GPATCH2L: variants seen among roughly 807,000 people sequenced by gnomAD.
GPATCH2L encodes the protein G patch domain-containing protein 2-like.
A neutral mutation model predicts 57.4 loss-of-function variants in GPATCH2L; 31 were observed. The observed-to-expected ratio is 0.54, with a 90% CI of 0.41 to 0.73. The LOEUF (loss-of-function observed/expected upper bound fraction) is 0.73, where lower values mean the gene tolerates loss of function less well. Ranked by LOEUF, GPATCH2L falls within the 30% of genes least tolerant of loss-of-function variation. GPATCH2L has a pLI of 0.00. For synonymous variants in GPATCH2L, 199 were observed against 210.7 expected (o/e 0.94, Z 0.48); for missense variants, 481 against 599.9 (o/e 0.80, Z 2.07).
intron 2 of GPATCH2L, among the ~76,000 whole-genome samples, chr14:76,159,304 C>T (rs1028071499): frequency 6.6e-6 from 1 of 152,248 alleles, no homozygotes; most frequent in Non-Finnish European, 1.5e-5. Context: ...CACTGGCAGT[C>T]ATCTTCAAAG....
chr14:76,222,481 C>T (rs761274130), intron 1 of GPATCH2L, among the ~76,000 whole-genome samples: 8 of 151,930 alleles, frequency 5.3e-5, no homozygotes, highest in Admixed American at 5.3e-4. Context: ...GTGGCGTGCA[C>T]CTGTAATCCC....
rs555073956 is a variant in GPATCH2L at position 76,202,991 on chromosome 14, A to G, written c.*1140A>G. The G allele has an allele frequency of 6.6e-5, 10 of 152,210 alleles. No homozygotes were observed. Among genetic ancestry groups the G allele is most frequent in the East Asian group, 5.8e-4 (3 of 5,178 alleles). 9.4% of individuals were successfully genotyped at this position (152,210 alleles called of 1,614,324 possible). A position where few individuals can be genotyped will look rare whatever the true frequency, so the allele number is the denominator to read the frequency against. The stretch of plus-strand genomic sequence containing the variant: ...CTGACAGAAGGGCTCTTTTTTTTAT[A>G]CCAATGAGTGCGTTTACTCTGAAAT... On this transcript the variant is annotated 3_prime_UTR_variant, in exon 10 of 10. Coordinates refer to ENST00000261530, the MANE Select transcript of GPATCH2L (RefSeq NM_017926.4).
Position 76,182,421 on chromosome 14 carries a change from ATTTT to A in GPATCH2L, c.1193+1581_1193+1584del, listed in dbSNP as rs11389447. On this transcript the variant is annotated intron_variant, in intron 8 of 9. Coordinates refer to ENST00000261530, the MANE Select transcript of GPATCH2L (RefSeq NM_017926.4). ...CAGAGTGAGACCTTGTTTCTACAAA[ATTTT>A]TTTTTTTTAAATCATTTGTGTCTGG... Among the ~76,000 whole-genome samples the A allele has an allele frequency of 4.5e-5, 6 of 134,186 alleles. No homozygotes were observed. In the South Asian group the frequency reaches 1.4e-3, roughly 32 times the overall value. 88.0% of individuals were successfully genotyped at this position (134,186 alleles called of 152,430 possible).
At chr14:76,192,766 G>A (rs1351546315) in intron 8 of GPATCH2L, among the ~76,000 whole-genome samples, 6 of 152,116 alleles carry the variant, frequency 3.9e-5, no homozygotes, top group Non-Finnish European at 8.8e-5. Context: ...GTCCACAAAA[G>A]TATATACTTT....
chr14:76,226,326 C>T (rs1006829348), intron 1 of GPATCH2L, among the ~76,000 whole-genome samples: 9 of 152,238 alleles, frequency 5.9e-5, no homozygotes, highest in African/African-American at 2.2e-4. Flanking sequence ...AGAATTACAG[C>T]GCTGAGCAAA....
intron 7 of GPATCH2L, 50 bp from the exon 8 acceptor site, chr14:76,180,714 A>G: frequency 8.6e-7 from 1 of 1,157,600 alleles, no homozygotes; most frequent in African/African-American, 1.5e-5. Flanking sequence ...CTTTAGGATC[A>G]GGTCCGTTTC....
chr14:76,189,137 T>G (rs1244799652), intron 8 of GPATCH2L, among the ~76,000 whole-genome samples: 1 of 144,488 alleles, frequency 6.9e-6, no homozygotes, highest in Non-Finnish European at 1.5e-5. Flanking sequence ...CCAGGTAGTG[T>G]GGTTCCTTCA....
intron 1 of GPATCH2L, among the ~76,000 whole-genome samples, chr14:76,228,570 TTAG>T (rs1351757754): frequency 5.9e-5 from 9 of 152,326 alleles, no homozygotes; most frequent in African/African-American, 2.2e-4. Flanking sequence ...TTCAGCTGAC[TTAG>T]TAGGCTCTTC....
At chr14:76,178,381 T>C in intron 7 of GPATCH2L, 1 of 563,358 alleles carries the variant, frequency 1.8e-6, no homozygotes, top group South Asian at 2.4e-5. Context: ...CCCAACCTTA[T>C]GTCACCAGGA....
In GPATCH2L at chr14:76,154,746, G is replaced by T. The variant is rs756847823; in HGVS notation, c.383G>T (p.Arg128Leu). Reference protein sequence around the residue: ...TENAPCRPLRRRRKVKRVTSE... With the variant: ...TENAPCRPLRLRRKVKRVTSE... ...AATGCACCTTGTCGACCACTCAGGCGCAGGCGGAAGGTGAAGCGAGTGACA... is the reference window on the plus strand; with the variant it reads ...AATGCACCTTGTCGACCACTCAGGCTCAGGCGGAAGGTGAAGCGAGTGACA... The change falls in exon 2 of 10, where the codon CGC becomes CTC. Residue 128 changes from arginine (R) to leucine (L), a missense_variant. By Grantham distance (102) the Arg-to-Leu change is moderately radical. Around this residue, in one of 3 missense-constraint regions of GPATCH2L, gnomAD observed 208 missense variants for 272.4 expected, o/e 0.76. Transcript: ENST00000261530. The surrounding 1 kb of genome is among the most constrained non-coding windows in gnomAD (Gnocchi z 4.4). The T allele has an allele frequency of 1.2e-6, 2 of 1,614,106 alleles. No individual in the cohort carries two copies. The highest frequency in any genetic ancestry group is 1.7e-6 in the Non-Finnish European group (2 of 1,180,046).
At chr14:76,163,183 G>A (rs1436945390) in intron 2 of GPATCH2L, among the ~76,000 whole-genome samples, 3 of 152,136 alleles carry the variant, frequency 2.0e-5, no homozygotes, top group African/African-American at 7.2e-5. Context: ...GTGATCTTGG[G>A]TAACTTGCAT....
At position 76,177,923 on chromosome 14, in the gene GPATCH2L, C is replaced by T. The variant is rs117516637; in HGVS notation, c.1053-65C>T. On this transcript the variant is annotated intron_variant, in intron 6 of 9. Coordinates refer to ENST00000261530, the MANE Select transcript of GPATCH2L (RefSeq NM_017926.4). ...GTTACCATCAGCTGGGAAAAGAGAA[C>T]GAAATCAGGTAAGATCATTTTTCTT... is the stretch of plus-strand genomic sequence containing the variant. The T allele has an allele frequency of 4.2e-3, 6,644 of 1,600,232 alleles. 39 individuals carry two copies. The highest frequency in any genetic ancestry group is 0.033 in the Middle Eastern group (189 of 5,798).
chr14:76,224,540 C>T (rs777219481), intron 1 of GPATCH2L, among the ~76,000 whole-genome samples: 1 of 151,994 alleles, frequency 6.6e-6, no homozygotes, highest in African/African-American at 2.4e-5. Flanking sequence ...TAGAAGGAAA[C>T]ATCTTTAAAT....
intron 2 of GPATCH2L, among the ~76,000 whole-genome samples, chr14:76,156,908 T>C (rs1012134101): frequency 6.6e-6 from 1 of 152,242 alleles, no homozygotes; most frequent in Admixed American, 6.5e-5. Context: ...TTGCACATTC[T>C]AGTCAGGATG....
chr14:76,162,164 AG>A (rs745695483), intron 2 of GPATCH2L, among the ~76,000 whole-genome samples: 4 of 152,192 alleles, frequency 2.6e-5, no homozygotes, highest in Non-Finnish European at 5.9e-5. Flanking sequence ...AACTGTTGGC[AG>A]GGACCTCAGT....
At chr14:76,197,077 A>G (rs760862615) in intron 9 of GPATCH2L, among the ~76,000 whole-genome samples, 12 of 152,090 alleles carry the variant, frequency 7.9e-5, no homozygotes, top group East Asian at 1.9e-4. Context: ...TTTATTCCCA[A>G]TTTACACATG....
downstream of GPATCH2L, among the ~76,000 whole-genome samples, chr14:76,216,406 T>C (rs745488680): frequency 3.9e-5 from 6 of 152,130 alleles, no homozygotes; most frequent in Non-Finnish European, 8.8e-5. Context: ...CCACAAATTC[T>C]CTCTGGAGGA....
chr14:76,155,217 G>A (rs2139540504), intron 2 of GPATCH2L, among the ~76,000 whole-genome samples, 192 bp downstream of exon 2: 1 of 152,282 alleles, frequency 6.6e-6, no homozygotes, highest in South Asian at 2.1e-4. Context: ...TGTCAGGAAG[G>A]CTATATGTAA....
chr14:76,189,693 C>T (rs1002237945), intron 8 of GPATCH2L, among the ~76,000 whole-genome samples: 8 of 151,986 alleles, frequency 5.3e-5, no homozygotes, highest in African/African-American at 1.9e-4. Flanking sequence ...CCCTTTATTT[C>T]TTTCTCTTGT....
Sources: gnomAD v4.1 joint callset for allele counts (sites outside exome capture counted in the v4.1 genomes callset) on GRCh38, gnomAD v4.1.1 for gene constraint, gnomAD v4.1.1 regional missense constraint, Gnocchi (gnomAD v3.1) non-coding constraint, MANE v1.5 for transcripts, NCBI Gene and HGNC (gene_info 2026-07-23, HGNC 2026-07-21) for gene names.